Variants in MAP2K6 observed in about 807,000 individuals in gnomAD.
The protein encoded by MAP2K6 is dual specificity mitogen-activated protein kinase kinase 6.
In MAP2K6, 16 loss-of-function variants were observed where a neutral mutation model predicts 53.7. That is an observed-to-expected ratio of 0.30 (90% confidence interval 0.20 to 0.45). The LOEUF is 0.45. MAP2K6 is among the 20% of genes least tolerant of loss of function. The probability of loss-of-function intolerance (pLI) is 1.00; values close to 1 mark genes in which losing one functional copy is unlikely to be tolerated. For missense variants in MAP2K6, 204 were observed against 411.9 expected (o/e 0.50, Z 4.37); for synonymous variants, 132 against 143.1 (o/e 0.92, Z 0.55).
At chr17:69,487,577 G>A (rs1908592779) in intron 1 of MAP2K6, among the ~76,000 whole-genome samples, 1 of 152,180 alleles carries the variant, frequency 6.6e-6, no homozygotes, top group Admixed American at 6.6e-5. Flanking sequence ...CTCCTTTAAT[G>A]CCACCAAGGT....
intron 1 of MAP2K6, among the ~76,000 whole-genome samples, chr17:69,449,020 A>G (rs1206112009): frequency 1.3e-5 from 2 of 152,224 alleles, no homozygotes; most frequent in African/African-American, 4.8e-5. Context: ...TGAAAGGGAT[A>G]CTACCGATCT....
At chr17:69,512,330 T>TTTTTTTTA (rs1909878334) in intron 2 of MAP2K6, among the ~76,000 whole-genome samples, 1 of 76,702 alleles carries the variant, frequency 1.3e-5, no homozygotes, top group Non-Finnish European at 2.8e-5. Context: ...TTCTAAGTGT[T>TTTTTTTTA]TTTTTTTTGT....
At chr17:69,491,990 T>A (rs1908772766) in intron 1 of MAP2K6, among the ~76,000 whole-genome samples, 1 of 152,206 alleles carries the variant, frequency 6.6e-6, no homozygotes, top group Non-Finnish European at 1.5e-5. Flanking sequence ...TTTGCCCACT[T>A]TTTAATGGGG....
intron 1 of MAP2K6, among the ~76,000 whole-genome samples, chr17:69,496,274 C>CTTT (rs10676734): frequency 0.016 from 2,300 of 140,334 alleles, 85 homozygotes; most frequent in African/African-American, 0.056. Context: ...GCCTTCCCTT[C>CTTT]TTTTTTTTTT....
At chr17:69,521,848 T>C (rs1291124504) in intron 7 of MAP2K6, 1 of 121,542 alleles carries the variant, frequency 8.2e-6, no homozygotes, top group African/African-American at 3.1e-5. Context: ...CTTAGAAATA[T>C]GAAAGTACCA....
At chr17:69,520,634 C>A in intron 6 of MAP2K6, 1 of 457,714 alleles carries the variant, frequency 2.2e-6, no homozygotes, top group East Asian at 3.6e-5. Context: ...TCAGCTATGA[C>A]CACATTCCTG....
intron 2 of MAP2K6, among the ~76,000 whole-genome samples, chr17:69,514,827 G>A (rs1393076292): frequency 1.3e-5 from 2 of 152,192 alleles, no homozygotes; most frequent in Non-Finnish European, 2.9e-5. Context: ...CTCCCAAAGT[G>A]CTGGGATTAC....
intron 1 of MAP2K6, among the ~76,000 whole-genome samples, chr17:69,425,704 T>C (rs1431972338): frequency 1.3e-5 from 2 of 152,234 alleles, no homozygotes; most frequent in East Asian, 1.9e-4. Flanking sequence ...ATGTCGAAGC[T>C]GCGGAAATAG....
chr17:69,525,242 C>G (rs542445200), intron 9 of MAP2K6, among the ~76,000 whole-genome samples: 1 of 152,292 alleles, frequency 6.6e-6, no homozygotes, highest in East Asian at 1.9e-4. Flanking sequence ...GTCACATGGA[C>G]TATCTTCCTA....
chr17:69,440,124 T>A (rs1906770926), intron 1 of MAP2K6, among the ~76,000 whole-genome samples: 1 of 152,046 alleles, frequency 6.6e-6, no homozygotes, highest in Non-Finnish European at 1.5e-5. Context: ...CTCGGCTCAC[T>A]GCAACTTCCA....
At chr17:69,429,225 G>T (rs1215932625) in intron 1 of MAP2K6, among the ~76,000 whole-genome samples, 1 of 151,536 alleles carries the variant, frequency 6.6e-6, no homozygotes, top group Non-Finnish European at 1.5e-5. Flanking sequence ...ATCACTTGAG[G>T]CTAGGAGTTT....
At chr17:69,456,130 G>C (rs1907404480) in intron 1 of MAP2K6, among the ~76,000 whole-genome samples, 2 of 152,140 alleles carry the variant, frequency 1.3e-5, no homozygotes, top group South Asian at 4.1e-4. Context: ...CAAAGTGCTG[G>C]GATTACAGGC....
At chr17:69,475,237 C>T (rs188272216) in intron 1 of MAP2K6, among the ~76,000 whole-genome samples, 1 of 143,246 alleles carries the variant, frequency 7.0e-6, no homozygotes, top group East Asian at 2.1e-4. Context: ...GGCGCGATCT[C>T]GGCTCACTGC....
intron 1 of MAP2K6, among the ~76,000 whole-genome samples, chr17:69,503,675 A>G (rs966059012): frequency 6.6e-6 from 1 of 152,208 alleles, no homozygotes; most frequent in African/African-American, 2.4e-5. Flanking sequence ...ATAGTGGGCT[A>G]TAATGATGTG....
Position 69,414,983 on chromosome 17 carries a change from A to G in MAP2K6, c.-2A>G. ...CCCTCCCCCATCAAAGGAAAGGGGAAAATGTCTCAGTCGAAAGGTAAGAGG... is the reference window on the plus strand; with the variant it reads ...CCCTCCCCCATCAAAGGAAAGGGGAGAATGTCTCAGTCGAAAGGTAAGAGG... On this transcript the variant is annotated 5_prime_UTR_variant, in exon 1 of 12. Coordinates refer to ENST00000590474, the MANE Select transcript of MAP2K6 (RefSeq NM_002758.4). The G allele has an allele frequency of 6.4e-7, 1 of 1,555,204 alleles. No individual in the cohort carries two copies. The highest frequency in any genetic ancestry group is 8.9e-7 in the Non-Finnish European group (1 of 1,126,394).
At chr17:69,520,699 T>C (rs1472158268) in intron 6 of MAP2K6, 2 of 377,280 alleles carry the variant, frequency 5.3e-6, no homozygotes, top group Non-Finnish European at 9.4e-6. Context: ...ATTTTTAAAA[T>C]GTTCTCTTGA....
At chr17:69,529,237 A>G (rs1343351798) in intron 10 of MAP2K6, among the ~76,000 whole-genome samples, 2 of 152,132 alleles carry the variant, frequency 1.3e-5, no homozygotes, top group Non-Finnish European at 2.9e-5. Flanking sequence ...AGATACTAAT[A>G]TATTTTTAAA....
rs1912148978 is a variant in MAP2K6 at position 69,552,686 on chromosome 17, G to A, written c.*10933G>A. On this transcript the variant is annotated 3_prime_UTR_variant, in exon 12 of 12. Transcript: ENST00000590474. Reference sequence around the variant, plus strand: ...ATATCTAACTGTGTTTTTCTATATGGAAATATATGAGCATCAAGTGATAAC... The same window carrying A: ...ATATCTAACTGTGTTTTTCTATATGAAAATATATGAGCATCAAGTGATAAC... 1 of 152,166 alleles carries A rather than the reference G, an allele frequency of 6.6e-6. No homozygotes were observed. The highest frequency in any genetic ancestry group is 1.9e-4 in the East Asian group (1 of 5,196). 9.4% of individuals were successfully genotyped at this position (152,166 alleles called of 1,614,324 possible).
intron 1 of MAP2K6, among the ~76,000 whole-genome samples, chr17:69,428,209 C>T (rs959152473): frequency 2.0e-5 from 3 of 152,314 alleles, no homozygotes; most frequent in African/African-American, 2.4e-5. Context: ...GCTTAAACCA[C>T]GGAAATTAAT....
Sources: gnomAD v4.1 joint callset for allele counts (sites outside exome capture counted in the v4.1 genomes callset) on GRCh38, gnomAD v4.1.1 for gene constraint, MANE v1.5 for transcripts, NCBI Gene and HGNC (gene_info 2026-07-23, HGNC 2026-07-21) for gene names.